GABPB2: variants seen among roughly 807,000 people sequenced by gnomAD.
The protein encoded by GABPB2 is GA binding protein transcription factor subunit beta 2, also known as GA-binding protein subunit beta-2.
GABPB2 carries 23 observed loss-of-function variants against 39.1 expected under a neutral mutation model. The observed-to-expected ratio is 0.59, with a 90% CI of 0.42 to 0.83. The LOEUF is 0.83. Ranked by LOEUF, GABPB2 falls within the 40% of genes least tolerant of loss-of-function variation. GABPB2 has a pLI of 0.00. For synonymous variants in GABPB2, 184 were observed against 199.3 expected (o/e 0.92, Z 0.65); for missense variants, 467 against 541.1 (o/e 0.86, Z 1.36).
intron 7 of GABPB2, among the ~76,000 whole-genome samples, chr1:151,113,079 C>T (rs1680587807): frequency 6.7e-6 from 1 of 149,610 alleles, no homozygotes; most frequent in Admixed American, 6.6e-5. Context: ...CCTAGCCCCT[C>T]AATTTTTTTT....
At chr1:151,091,465 CAAAAAAAAAAAAA>C (rs34351787) in intron 3 of GABPB2, among the ~76,000 whole-genome samples, 2 of 73,444 alleles carry the variant, frequency 2.7e-5, no homozygotes, top group African/African-American at 1.1e-4. Flanking sequence ...TCCTGTGTCT[CAAAAAAAAAAAAA>C]AAAAAAAAAA....
rs367879040 is a variant in GABPB2, at chr1:151,108,497, G to T, written c.922+1275G>T. 9.2e-5 allele frequency among the ~76,000 whole-genome samples: 14 copies of T among 152,198 alleles called. No homozygotes were observed. In the East Asian group the frequency reaches 1.7e-3, roughly 19 times the overall value. ...ATGTTGTGTACCTTTTGGTTAAACA[G>T]TTCTTTTTTCTTTTTTGTGTGTGTA... On this transcript the variant is annotated intron_variant, in intron 7 of 8. Coordinates refer to ENST00000368918, the MANE Select transcript of GABPB2 (RefSeq NM_144618.3).
chr1:151,076,579 G>A (rs1391439033), intron 1 of GABPB2, among the ~76,000 whole-genome samples: 1 of 151,716 alleles, frequency 6.6e-6, no homozygotes, highest in African/African-American at 2.4e-5. Flanking sequence ...ACAGGCATAT[G>A]CCACCACGTC....
chr1:151,071,240 G>GGGCCGAGGCCTGTCGCCGA (rs1676684902), intron 1 of GABPB2, among the ~76,000 whole-genome samples: 1 of 152,150 alleles, frequency 6.6e-6, no homozygotes, highest in African/African-American at 2.4e-5. Context: ...CGCGGAGCCG[G>GGGCCGAGGCCTGTCGCCGA]GGCCGAGGCC....
intron 8 of GABPB2, 136 bp from the exon 9 acceptor site, chr1:151,117,821 T>G (rs587657959): frequency 8.0e-6 from 7 of 872,068 alleles, no homozygotes; most frequent in Non-Finnish European, 3.6e-6. Context: ...TGACCTCAGA[T>G]AATCTGCCTA....
chr1:151,075,733 C>T (rs981461174), intron 1 of GABPB2, among the ~76,000 whole-genome samples: 3 of 151,500 alleles, frequency 2.0e-5, no homozygotes, highest in African/African-American at 7.3e-5. Flanking sequence ...CAAAAAAACC[C>T]AAAAAAACAC....
intron 6 of GABPB2, 110 bp from the exon 7 acceptor site, chr1:151,106,927 T>C: frequency 1.5e-6 from 1 of 659,062 alleles, no homozygotes. Flanking sequence ...TCACTTTTTT[T>C]TTTCAAATGT....
At chr1:151,093,474 T>C (rs1159338805) in intron 4 of GABPB2, 88 bp downstream of exon 4, 6 of 1,034,626 alleles carry the variant, frequency 5.8e-6, no homozygotes, top group Non-Finnish European at 8.2e-6. Flanking sequence ...GAATTTTCCC[T>C]ATTTTATTAA....
chr1:151,107,724 G>C (rs587603537), intron 7 of GABPB2, among the ~76,000 whole-genome samples: 1 of 152,078 alleles, frequency 6.6e-6, no homozygotes, highest in South Asian at 2.1e-4. Context: ...TCACTTGAGA[G>C]CAGGAGTTCA....
chr1:151,106,242 G>A (rs1161098469), intron 6 of GABPB2, among the ~76,000 whole-genome samples: 8 of 151,966 alleles, frequency 5.3e-5, no homozygotes, highest in Middle Eastern at 3.4e-3. Context: ...GATTACAGGC[G>A]TGAGCCACCG....
In GABPB2 at chr1:151,081,631, T is replaced by C. The variant is rs1057000139; in HGVS notation, c.1-6559T>C. ...TTAATAGAAGACAGCTGCATTCTCA[T>C]TATTATTTATTTTTTTTTTTTTAGA... On this transcript the variant is annotated intron_variant, in intron 1 of 8. Transcript: ENST00000368918. Among the ~76,000 whole-genome samples, 7 of 151,970 alleles carry C rather than the reference T, an allele frequency of 4.6e-5. No homozygotes were observed. The Admixed American group carries it at 4.6e-4, about 10-fold the overall frequency.
intron 7 of GABPB2, among the ~76,000 whole-genome samples, chr1:151,115,455 C>T (rs2101573020): frequency 6.7e-6 from 1 of 148,596 alleles, no homozygotes; most frequent in African/African-American, 2.5e-5. Context: ...AGCTGGAGTG[C>T]AGTGGCACTA....
At chr1:151,098,362 C>G (rs889571327) in intron 5 of GABPB2, among the ~76,000 whole-genome samples, 1 of 151,924 alleles carries the variant, frequency 6.6e-6, no homozygotes, top group Non-Finnish European at 1.5e-5. Context: ...ATTGGATGGG[C>G]ATGGTGATGC....
At chr1:151,072,698 T>C (rs587746440) in intron 1 of GABPB2, among the ~76,000 whole-genome samples, 54 of 151,212 alleles carry the variant, frequency 3.6e-4, no homozygotes, top group African/African-American at 1.2e-3. Flanking sequence ...ATACAAAAAA[T>C]TAGCCGGGCG....
In GABPB2 at chr1:151,107,112, G is replaced by C. The variant is rs759916892; in HGVS notation, c.812G>C (p.Arg271Thr). ...IQQVMGSGGQ[R>T]VITIVTDGVP... ...CAAGTAATGGGGAGTGGAGGCCAGA[G>C]GGTCATCACCATAGTGACTGATGGA... The change falls in exon 7 of 9, where the codon AGG becomes ACG. Residue 271 changes from arginine to threonine, a missense_variant. Coordinates refer to ENST00000368918, the MANE Select transcript of GABPB2 (RefSeq NM_144618.3). 6.2e-7 allele frequency: 1 copy of C among 1,613,306 alleles called. No individual in the cohort carries two copies. The highest frequency in any genetic ancestry group is 8.5e-7 in the Non-Finnish European group (1 of 1,179,542).
intron 1 of GABPB2, among the ~76,000 whole-genome samples, chr1:151,083,971 C>T (rs1417332028): frequency 6.6e-6 from 1 of 150,818 alleles, no homozygotes; most frequent in Non-Finnish European, 1.5e-5. Context: ...GAACTCCTGA[C>T]CTCGTGATCC....
Position 151,118,293 on chromosome 1 carries a change from ATCCTCTTTT to A in GABPB2, c.*38_*46del, listed in dbSNP as rs1301652857. ...CACAATTTGCACTGTGTTCATATTA[ATCCTCTTTT>A]AAAAAAGGAAATATACAGAAGACAA... On this transcript the variant is annotated 3_prime_UTR_variant, in exon 9 of 9. Transcript: ENST00000368918. 8 of 1,550,096 alleles carry A rather than the reference ATCCTCTTTT, an allele frequency of 5.2e-6. No individual in the cohort carries two copies. The Admixed American group carries it at 5.9e-5, about 11-fold the overall frequency.
chr1:151,092,100 A>ATTTTTTT (rs34298127), intron 3 of GABPB2, among the ~76,000 whole-genome samples: 1 of 58,096 alleles, frequency 1.7e-5, no homozygotes, highest in African/African-American at 6.4e-5. Context: ...CAGTTTTCTA[A>ATTTTTTT]TTTTTTTTTT....
intron 4 of GABPB2, among the ~76,000 whole-genome samples, chr1:151,093,879 G>A (rs1678901465): frequency 6.6e-6 from 1 of 151,852 alleles, no homozygotes; most frequent in Admixed American, 6.6e-5. Context: ...ATGAGTTTAT[G>A]CAGGTGTAAC....
Sources: allele counts gnomAD v4.1 joint callset (sites outside exome capture counted in the v4.1 genomes callset), GRCh38; gene constraint gnomAD v4.1.1; transcripts MANE v1.5; gene names NCBI Gene and HGNC (gene_info 2026-07-23, HGNC 2026-07-21).